Variants in NFIC observed in about 807,000 individuals in gnomAD.
NFIC encodes nuclear factor I C, also known as nuclear factor 1 C-type.
In NFIC, 12 loss-of-function variants were observed where a neutral mutation model predicts 54.4. The ratio of observed to expected loss-of-function variants is 0.22; its 90% CI spans 0.14 to 0.36. The LOEUF is 0.36. Among genes scored for constraint, NFIC ranks in the 10% least tolerant of loss-of-function variants. The pLI, the probability that NFIC is intolerant of heterozygous loss-of-function variation, is 1.00. For missense variants in NFIC, 575 were observed against 718.2 expected, an observed-to-expected ratio of 0.80 and a Z score of 2.28; for synonymous variants, 322 against 319.2, an observed-to-expected ratio of 1.01 and a Z score of -0.09.
intron 6 of NFIC, among the ~76,000 whole-genome samples, chr19:3,439,934 C>T (rs572127181): frequency 2.6e-5 from 4 of 151,970 alleles, no homozygotes; most frequent in East Asian, 2.0e-4. Context: ...GTGATCTGCC[C>T]GCCTCGGCCT....
intron 6 of NFIC, among the ~76,000 whole-genome samples, chr19:3,440,818 GC>G (rs2082283063): frequency 6.6e-6 from 1 of 152,170 alleles, no homozygotes; most frequent in Non-Finnish European, 1.5e-5. Context: ...ACTGCGCCTG[GC>G]CTTTTTTGTT....
chr19:3,424,701 T>A (rs74967471), intron 2 of NFIC, among the ~76,000 whole-genome samples: 5,556 of 152,250 alleles, frequency 0.036, 147 homozygotes, highest in East Asian at 0.11. Context: ...ATTTTACAGA[T>A]GAGGCTCAGA....
rs1005298746 is a variant in NFIC at position 3,421,155 on chromosome 19, C to T, written c.563-3951C>T. ...GGCCCCGCTCCCTGGCTGCCCGATT[C>T]GCAAGCTCATGCTGGGAGCCACCGT... On this transcript the variant is annotated intron_variant, in intron 2 of 10. Transcript: ENST00000443272. Among the ~76,000 whole-genome samples, 10 of 152,348 alleles carry T rather than the reference C, an allele frequency of 6.6e-5. No homozygotes were observed. The South Asian group carries it at 1.0e-3, about 16-fold the overall frequency.
intron 2 of NFIC, among the ~76,000 whole-genome samples, chr19:3,424,133 T>G (rs2081992523): frequency 6.6e-6 from 1 of 151,962 alleles, no homozygotes; most frequent in African/African-American, 2.4e-5. Context: ...GTTCAAGCGA[T>G]TCTCCTGACT....
In NFIC at chr19:3,369,847, C is replaced by A. The variant is rs756579486; in HGVS notation, c.30+3181C>A. Among the ~76,000 whole-genome samples the A allele has an allele frequency of 2.0e-5, 3 of 152,210 alleles. No homozygotes were observed. The highest frequency in any genetic ancestry group is 2.9e-5 in the Non-Finnish European group (2 of 68,032). ...CGTGGCGGATTCCCCGAGCCACCTC[C>A]ATCCCGCCACCGGGTCCCTGTCTCA... On this transcript the variant is annotated intron_variant, in intron 1 of 10. Coordinates refer to ENST00000443272, the MANE Select transcript of NFIC (RefSeq NM_001245002.2). The surrounding 1 kb of genome is among the most constrained non-coding windows in gnomAD (Gnocchi z 4.3).
At chr19:3,408,665 C>T (rs1336865483) in intron 2 of NFIC, among the ~76,000 whole-genome samples, 1 of 152,046 alleles carries the variant, frequency 6.6e-6, no homozygotes, top group Non-Finnish European at 1.5e-5. Context: ...TCTGTCGCGC[C>T]AACTCGGCTC....
intron 6 of NFIC, among the ~76,000 whole-genome samples, chr19:3,436,059 C>T (rs2082197038): frequency 6.6e-6 from 1 of 151,954 alleles, no homozygotes; most frequent in Non-Finnish European, 1.5e-5. Context: ...AACTCCCGAC[C>T]TCAGGTGATT....
At chr19:3,419,275 A>G (rs1285408460) in intron 2 of NFIC, among the ~76,000 whole-genome samples, 1 of 152,186 alleles carries the variant, frequency 6.6e-6, no homozygotes, top group Non-Finnish European at 1.5e-5. Flanking sequence ...TAAAAATTAA[A>G]ATGAGATGGC....
chr19:3,399,403 G>A (rs2081518264), intron 2 of NFIC, among the ~76,000 whole-genome samples: 1 of 151,208 alleles, frequency 6.6e-6, no homozygotes, highest in South Asian at 2.1e-4. Context: ...ATAGTGAGAT[G>A]CCCATCTCTA....
rs1017395139 is a variant in NFIC at position 3,369,158 on chromosome 19, C to G, written c.30+2492C>G. ...TTGATGTGTCTCTGTCTCTCTGTCT[C>G]TCCCTCCCTTTGCCTTCTTTGTGTG... On this transcript the variant is annotated intron_variant, in intron 1 of 10. Coordinates refer to ENST00000443272, the MANE Select transcript of NFIC (RefSeq NM_001245002.2). This position sits in a 1 kb window ranked among gnomAD's most constrained non-coding sequence, Gnocchi z 4.3. Among the ~76,000 whole-genome samples, 3 of 152,026 alleles carry G rather than the reference C, an allele frequency of 2.0e-5. No homozygotes were observed. Among genetic ancestry groups the G allele is most frequent in the African/African-American group, 7.2e-5 (3 of 41,384 alleles).
At chr19:3,460,541 G>T (rs534654966) in intron 10 of NFIC, among the ~76,000 whole-genome samples, 1 of 152,124 alleles carries the variant, frequency 6.6e-6, no homozygotes, top group African/African-American at 2.4e-5. Flanking sequence ...TTTTGAGACG[G>T]AGTCTTATGC....
At chr19:3,462,191 G>T (rs1489212248) in intron 10 of NFIC, among the ~76,000 whole-genome samples, 1 of 151,916 alleles carries the variant, frequency 6.6e-6, no homozygotes, top group Non-Finnish European at 1.5e-5. Context: ...AGACCAGCCT[G>T]GCCAACATGG....
chr19:3,360,791 C>T (rs116499692), intron 1 of NFIC, among the ~76,000 whole-genome samples: 1,637 of 152,302 alleles, frequency 0.011, 27 homozygotes, highest in African/African-American at 0.038. Context: ...GTCCGCGGAG[C>T]CGCGTGTCCC....
In NFIC at chr19:3,464,392, GC is replaced by G. The variant is rs967612741; in HGVS notation, c.*1630del. ...AAACACTAAGCTGGGGACGCCAGGT[GC>G]CCCCCCACCCCGGCTCCCTGGCCCT... On this transcript the variant is annotated 3_prime_UTR_variant, in exon 11 of 11. Transcript: ENST00000443272. The G allele has an allele frequency of 3.0e-6, 3 of 984,032 alleles. No individual in the cohort carries two copies. The highest frequency in any genetic ancestry group is 3.5e-5 in the African/African-American group (2 of 57,026). The allele number at this position is 984,032 out of a possible 1,614,324, so 61.0% of individuals were successfully genotyped here.
chr19:3,463,225 G>T lies in NFIC; in HGVS notation c.*456G>T. The T allele has an allele frequency of 1.0e-6, 1 of 996,456 alleles. No homozygotes were observed. Among genetic ancestry groups the T allele is most frequent in the Non-Finnish European group, 1.2e-6 (1 of 837,796 alleles). The allele number at this position is 996,456 out of a possible 1,614,324, so 61.7% of individuals were successfully genotyped here. A position where few individuals can be genotyped will look rare whatever the true frequency, so the allele number is the denominator to read the frequency against. On this transcript the variant is annotated 3_prime_UTR_variant, in exon 11 of 11. Coordinates refer to ENST00000443272, the MANE Select transcript of NFIC (RefSeq NM_001245002.2). ...CAGGTGAGCACAGCCTGGAGCCTGTGCCCAGGGCCGACAGGCGCGACACCC... is the reference window on the plus strand; with the variant it reads ...CAGGTGAGCACAGCCTGGAGCCTGTTCCCAGGGCCGACAGGCGCGACACCC...
chr19:3,394,167 A>G (rs962691997), intron 2 of NFIC, among the ~76,000 whole-genome samples: 8 of 152,022 alleles, frequency 5.3e-5, no homozygotes, highest in African/African-American at 1.9e-4. Context: ...ATTGCAATCC[A>G]TAAACAACAG....
Position 3,441,532 on chromosome 19 carries a change from C to T in NFIC, c.958+6325C>T, listed in dbSNP as rs560735756. ...CTGTGGCCTGCATCGGTAAACATTT[C>T]GCAGCCTCTGAAGTCCCAAGGGGGA... On this transcript the variant is annotated intron_variant, in intron 6 of 10. Transcript: ENST00000443272. Among the ~76,000 whole-genome samples, 3 of 152,374 alleles carry T rather than the reference C, an allele frequency of 2.0e-5. No individual in the cohort carries two copies. The South Asian group carries it at 6.2e-4, about 32-fold the overall frequency.
At position 3,432,132 on chromosome 19, in the gene NFIC, G is replaced by A. The variant is rs548007456; in HGVS notation, c.635-1386G>A. On this transcript the variant is annotated intron_variant, in intron 3 of 10. Transcript: ENST00000443272. ...TACAAGGGCGTCCGAGGGCAGGACA[G>A]GGCTGTCCCCAAGCTGTCTGAGGTT... is the stretch of plus-strand genomic sequence containing the variant. Among the ~76,000 whole-genome samples, 6 of 152,294 alleles carry A rather than the reference G, an allele frequency of 3.9e-5. 1 individual carries two copies. The South Asian group carries it at 1.2e-3, about 32-fold the overall frequency.
chr19:3,363,309 T>C (rs2080842476), upstream of NFIC, among the ~76,000 whole-genome samples: 1 of 137,238 alleles, frequency 7.3e-6, no homozygotes, highest in Non-Finnish European at 1.5e-5. Context: ...TTTCGCTCTG[T>C]TGCCCAGGCT....
Sources: gnomAD v4.1 joint callset for allele counts (sites outside exome capture counted in the v4.1 genomes callset) on GRCh38, gnomAD v4.1.1 for gene constraint, Gnocchi (gnomAD v3.1) non-coding constraint, MANE v1.5 for transcripts, NCBI Gene and HGNC (gene_info 2026-07-23, HGNC 2026-07-21) for gene names.